The following LRP1B variants were observed in gnomAD, a reference collection of about 807,000 sequenced individuals.
The protein encoded by LRP1B is low-density lipoprotein receptor-related protein 1B.
A neutral mutation model predicts 556.6 loss-of-function variants in LRP1B; 217 were observed. That is an observed-to-expected ratio of 0.39 (90% CI 0.35 to 0.44). The LOEUF (loss-of-function observed/expected upper bound fraction) is 0.44. LRP1B is among the 20% of genes least tolerant of loss of function. LRP1B has a pLI of 1.00. For missense variants in LRP1B, 5,053 were observed against 5,620.8 expected (o/e 0.90, Z 3.23); for synonymous variants, 2,047 against 1,865.8 (o/e 1.10, Z -2.50).
At chr2:141,393,333 C>T (rs1156961266) in intron 3 of LRP1B, among the ~76,000 whole-genome samples, 3 of 151,982 alleles carry the variant, frequency 2.0e-5, no homozygotes, top group Admixed American at 6.6e-5. Context: ...CATGAGTCAC[C>T]GGAAAGTATG....
At position 140,619,956 on chromosome 2, in the gene LRP1B, A is replaced by G. The variant is rs370629776; in HGVS notation, c.6800-18317T>C. 2.0e-5 allele frequency among the ~76,000 whole-genome samples: 3 copies of G among 152,332 alleles called. No individual in the cohort carries two copies. The South Asian group carries it at 6.2e-4, about 32-fold the overall frequency. ...ATGCCTTCAATATAGATATTTTTAA[A>G]CATCATATTTTTTCTATAAATTTAA... On this transcript the variant is annotated intron_variant, in intron 41 of 90. Coordinates refer to ENST00000389484, the MANE Select transcript of LRP1B (RefSeq NM_018557.3).
At position 141,393,258 on chromosome 2, in the gene LRP1B, G is replaced by A. The variant is rs1690120886; in HGVS notation, c.343+87138C>T. Among the ~76,000 whole-genome samples the A allele has an allele frequency of 2.0e-5, 3 of 151,864 alleles. No individual in the cohort carries two copies. The South Asian group carries it at 6.2e-4, about 31-fold the overall frequency. Reference sequence around the variant, plus strand: ...ACACACACAAACACACAACTTTCTGGAAGAGATGTTTAGAAGCAGTTAATG... The same window carrying A: ...ACACACACAAACACACAACTTTCTGAAAGAGATGTTTAGAAGCAGTTAATG... On this transcript the variant is annotated intron_variant, in intron 3 of 90. Transcript: ENST00000389484.
intron 35 of LRP1B, among the ~76,000 whole-genome samples, chr2:140,723,389 G>A (rs1479063843): frequency 6.6e-6 from 1 of 152,092 alleles, no homozygotes; most frequent in Non-Finnish European, 1.5e-5. Context: ...AGTAGCAAGT[G>A]CAACATGGGC....
intron 2 of LRP1B, among the ~76,000 whole-genome samples, chr2:141,505,996 AC>A (rs771879152): frequency 3.9e-5 from 6 of 152,092 alleles, no homozygotes; most frequent in Non-Finnish European, 8.8e-5. Flanking sequence ...TCCGGGAAAG[AC>A]TGCCTCGTAA....
intron 59 of LRP1B, among the ~76,000 whole-genome samples, chr2:140,484,511 C>T (rs1305891958): frequency 6.6e-6 from 1 of 152,114 alleles, no homozygotes; most frequent in Non-Finnish European, 1.5e-5. Flanking sequence ...TGTCCTATTT[C>T]AAAACATCAA....
At chr2:141,634,037 CT>C (rs34852727) in intron 2 of LRP1B, among the ~76,000 whole-genome samples, 12,227 of 148,860 alleles carry the variant, frequency 0.082, 559 homozygotes, top group South Asian at 0.15. Context: ...GCAATGCTTT[CT>C]TTTTTTTTTC....
intron 41 of LRP1B, among the ~76,000 whole-genome samples, chr2:140,661,537 C>T (rs1456352101): frequency 6.6e-6 from 1 of 150,392 alleles, no homozygotes; most frequent in Non-Finnish European, 1.5e-5. Context: ...TGTGGTGGCA[C>T]ACACCTATAG....
intron 6 of LRP1B, among the ~76,000 whole-genome samples, chr2:141,216,154 G>A (rs139726537): frequency 2.0e-3 from 312 of 152,268 alleles, no homozygotes; most frequent in Non-Finnish European, 3.3e-3. Flanking sequence ...TCAGGGCACT[G>A]CTTCTCACAT....
At chr2:141,480,139 C>T (rs1451943236) in intron 3 of LRP1B, among the ~76,000 whole-genome samples, 2 of 150,958 alleles carry the variant, frequency 1.3e-5, no homozygotes, top group African/African-American at 2.4e-5. Flanking sequence ...TGTTTAAGAG[C>T]CCAACTTCAA....
intron 84 of LRP1B, among the ~76,000 whole-genome samples, chr2:140,276,118 T>G (rs1682660943): frequency 6.6e-6 from 1 of 152,006 alleles, no homozygotes; most frequent in African/African-American, 2.4e-5. Context: ...CAATATTAAA[T>G]GAGATTAGCT....
intron 2 of LRP1B, among the ~76,000 whole-genome samples, chr2:141,791,865 A>G (rs571840313): frequency 3.3e-5 from 5 of 152,128 alleles, no homozygotes; most frequent in East Asian, 3.9e-4. Flanking sequence ...CTTACAAAAG[A>G]TCATCCAGCT....
chr2:140,958,546 A>G (rs548886077), intron 18 of LRP1B, among the ~76,000 whole-genome samples: 1 of 151,746 alleles, frequency 6.6e-6, no homozygotes, highest in African/African-American at 2.4e-5. Context: ...GAAATCATGA[A>G]GGACAGAATC....
At chr2:141,003,652 G>A (rs1330354562) in intron 15 of LRP1B, among the ~76,000 whole-genome samples, 1 of 151,968 alleles carries the variant, frequency 6.6e-6, no homozygotes, top group African/African-American at 2.4e-5. Flanking sequence ...CTTCCATCAT[G>A]CTTGTGAGGC....
intron 41 of LRP1B, among the ~76,000 whole-genome samples, chr2:140,676,551 C>T (rs1184454723): frequency 1.3e-5 from 2 of 152,098 alleles, no homozygotes; most frequent in Admixed American, 1.3e-4. Flanking sequence ...CTTCTCTTCA[C>T]AAAATAAGTT....
chr2:140,848,263 A>G (rs937502624), intron 29 of LRP1B, among the ~76,000 whole-genome samples: 2 of 152,188 alleles, frequency 1.3e-5, no homozygotes, highest in African/African-American at 4.8e-5. Context: ...TGCTTATCCA[A>G]CCACATTTGC....
intron 43 of LRP1B, among the ~76,000 whole-genome samples, chr2:140,554,928 G>A (rs529134085): frequency 1.2e-4 from 18 of 150,710 alleles, no homozygotes; most frequent in Middle Eastern, 3.4e-3. Context: ...CTTTATTTGC[G>A]TATGTACACA....
intron 3 of LRP1B, among the ~76,000 whole-genome samples, chr2:141,317,400 G>C (rs1011419330): frequency 6.6e-6 from 1 of 152,114 alleles, no homozygotes; most frequent in African/African-American, 2.4e-5. Context: ...TGTACCCTCT[G>C]TGTACACAAC....
At chr2:140,269,239 C>G in intron 86 of LRP1B, 3 of 469,610 alleles carry the variant, frequency 6.4e-6, no homozygotes, top group South Asian at 4.7e-5. Context: ...TCACACGAAG[C>G]GCAGCGATAA....
chr2:141,302,606 T>A (rs1686437661), intron 3 of LRP1B, among the ~76,000 whole-genome samples: 1 of 152,070 alleles, frequency 6.6e-6, no homozygotes. Context: ...GCTAACTAAC[T>A]GTACTATACA....
Sources: gnomAD v4.1 joint callset for allele counts (sites outside exome capture counted in the v4.1 genomes callset) on GRCh38, gnomAD v4.1.1 for gene constraint, MANE v1.5 for transcripts, NCBI Gene and HGNC (gene_info 2026-07-23, HGNC 2026-07-21) for gene names.